The following GALNTL6 variants were observed in gnomAD, a reference collection of about 807,000 sequenced individuals.
The protein encoded by GALNTL6 is polypeptide N-acetylgalactosaminyltransferase like 6.
A neutral mutation model predicts 73.7 loss-of-function variants in GALNTL6; 46 were observed. The ratio of observed to expected loss-of-function variants is 0.62; its 90% confidence interval spans 0.49 to 0.80. GALNTL6 has a LOEUF of 0.80. Among genes scored for constraint, GALNTL6 ranks in the 30% least tolerant of loss-of-function variants. The probability of loss-of-function intolerance (pLI) is 0.00; values close to 1 mark genes in which losing one functional copy is unlikely to be tolerated. For synonymous variants in GALNTL6, 259 were observed against 263.7 expected (o/e 0.98, Z 0.17); for missense variants, 604 against 755.0 (o/e 0.80, Z 2.34).
intron 10 of GALNTL6, among the ~76,000 whole-genome samples, chr4:172,992,398 TTTTTA>T (rs1438023315): frequency 2.6e-5 from 4 of 152,216 alleles, no homozygotes; most frequent in South Asian, 2.1e-4. Flanking sequence ...TGTGAAGACA[TTTTTA>T]TTTTATTTTA....
chr4:172,408,241 G>A (rs936745208), intron 5 of GALNTL6, among the ~76,000 whole-genome samples: 1 of 151,914 alleles, frequency 6.6e-6, no homozygotes, highest in South Asian at 2.1e-4. Flanking sequence ...GAATCCATTC[G>A]AGTGCTATCA....
intron 10 of GALNTL6, among the ~76,000 whole-genome samples, chr4:172,984,909 A>G (rs1751226822): frequency 6.6e-6 from 1 of 152,234 alleles, no homozygotes; most frequent in African/African-American, 2.4e-5. Flanking sequence ...AGTGGATACT[A>G]ATGGGAATTT....
intron 2 of GALNTL6, among the ~76,000 whole-genome samples, chr4:171,839,301 T>G (rs546294359): frequency 6.6e-6 from 1 of 152,260 alleles, no homozygotes; most frequent in South Asian, 2.1e-4. Flanking sequence ...TAAATTTGCA[T>G]ATGATGCTAC....
chr4:172,233,157 C>G (rs1025874850), intron 3 of GALNTL6, among the ~76,000 whole-genome samples: 1 of 149,802 alleles, frequency 6.7e-6, no homozygotes, highest in Non-Finnish European at 1.5e-5. Context: ...TCGCTTGAGC[C>G]CAGGAATTTG....
intron 5 of GALNTL6, among the ~76,000 whole-genome samples, chr4:172,756,074 A>G (rs540342506): frequency 1.3e-4 from 20 of 152,338 alleles, no homozygotes; most frequent in African/African-American, 4.8e-4. Flanking sequence ...CCAAAGAGGT[A>G]GTAATCAATG....
At chr4:171,981,249 A>C (rs1739888969) in intron 2 of GALNTL6, among the ~76,000 whole-genome samples, 1 of 152,230 alleles carries the variant, frequency 6.6e-6, no homozygotes, top group South Asian at 2.1e-4. Flanking sequence ...AAAATGTTGC[A>C]TTCTTTTGAG....
chr4:172,855,806 G>C (rs1360361963), intron 7 of GALNTL6, among the ~76,000 whole-genome samples: 1 of 152,186 alleles, frequency 6.6e-6, no homozygotes, highest in Non-Finnish European at 1.5e-5. Flanking sequence ...GCACCCTGGA[G>C]CTTGAGTGAT....
intron 5 of GALNTL6, among the ~76,000 whole-genome samples, chr4:172,354,900 G>A (rs1742098240): frequency 6.6e-6 from 1 of 151,964 alleles, no homozygotes; most frequent in African/African-American, 2.4e-5. Flanking sequence ...TGGTAGCTTT[G>A]TATTGTCTCC....
At chr4:172,480,817 G>C (rs894438934) in intron 5 of GALNTL6, among the ~76,000 whole-genome samples, 2 of 152,172 alleles carry the variant, frequency 1.3e-5, no homozygotes, top group Non-Finnish European at 2.9e-5. Context: ...TGTAGTTCAA[G>C]TTGGCCTTGG....
intron 2 of GALNTL6, among the ~76,000 whole-genome samples, chr4:172,059,211 G>C (rs1653654460): frequency 6.6e-6 from 1 of 152,170 alleles, no homozygotes; most frequent in South Asian, 2.1e-4. Context: ...CTATGAGAAG[G>C]AAGCTGTTTA....
At chr4:172,193,820 G>A (rs1735661255) in intron 2 of GALNTL6, among the ~76,000 whole-genome samples, 1 of 151,940 alleles carries the variant, frequency 6.6e-6, no homozygotes, top group Non-Finnish European at 1.5e-5. Flanking sequence ...CTGAGATCGG[G>A]CCACTCACTC....
At chr4:171,984,637 T>C (rs898073954) in intron 2 of GALNTL6, among the ~76,000 whole-genome samples, 2 of 152,038 alleles carry the variant, frequency 1.3e-5, no homozygotes, top group Admixed American at 1.3e-4. Context: ...GAGTGTCTGC[T>C]GAAGAGACAG....
intron 5 of GALNTL6, among the ~76,000 whole-genome samples, chr4:172,382,709 T>C (rs1470800533): frequency 6.6e-6 from 1 of 152,162 alleles, no homozygotes; most frequent in Non-Finnish European, 1.5e-5. Flanking sequence ...TTCTCTCTTC[T>C]AAAAGTTTTG....
At chr4:172,824,329 G>T (rs927114007) in intron 7 of GALNTL6, among the ~76,000 whole-genome samples, 1 of 151,662 alleles carries the variant, frequency 6.6e-6, no homozygotes, top group South Asian at 2.1e-4. Context: ...TGGCCACAAG[G>T]GCTTTCAGTC....
rs1244573678 is a variant in GALNTL6, at chr4:172,069,540, A to ATG, written c.139-160115_139-160114insGT. Among the ~76,000 whole-genome samples, 13 of 68,602 alleles carry ATG rather than the reference A, an allele frequency of 1.9e-4. 2 individuals carry two copies. Among genetic ancestry groups the ATG allele is most frequent in the Non-Finnish European group, 2.8e-4 (9 of 31,830 alleles). 45.0% of individuals were successfully genotyped at this position (68,602 alleles called of 152,430 possible). A position where few individuals can be genotyped will look rare whatever the true frequency, so the allele number is the denominator to read the frequency against. On this transcript the variant is annotated intron_variant, in intron 2 of 12. Coordinates refer to ENST00000506823, the MANE Select transcript of GALNTL6 (RefSeq NM_001034845.3). ...GTTATATGTATAACACATATATTAT[A>ATG]TATAACACATATATGTTATATATAA...
intron 2 of GALNTL6, among the ~76,000 whole-genome samples, chr4:172,173,465 G>T (rs1430402824): frequency 6.6e-6 from 1 of 152,292 alleles, no homozygotes; most frequent in African/African-American, 2.4e-5. Flanking sequence ...CAGTGCACAG[G>T]GTGCATTTCT....
chr4:171,887,878 G>A lies in GALNTL6; in HGVS notation c.138+73160G>A, dbSNP rs111282859. On this transcript the variant is annotated intron_variant, in intron 2 of 12. Coordinates refer to ENST00000506823, the MANE Select transcript of GALNTL6 (RefSeq NM_001034845.3). Reference sequence around the variant, plus strand: ...TCAAACAAACAAACAAAAAATAAACGTAATTTACTTATGACTACATTTTAC... The same window carrying A: ...TCAAACAAACAAACAAAAAATAAACATAATTTACTTATGACTACATTTTAC... Among the ~76,000 whole-genome samples the A allele has an allele frequency of 1.2e-4, 19 of 152,106 alleles. No individual in the cohort carries two copies. In the South Asian group the frequency reaches 1.5e-3, roughly 12 times the overall value.
At chr4:172,532,259 T>A (rs1345502788) in intron 5 of GALNTL6, among the ~76,000 whole-genome samples, 3 of 152,184 alleles carry the variant, frequency 2.0e-5, no homozygotes, top group African/African-American at 7.2e-5. Context: ...AGGACTGGTA[T>A]CCTTATAAGA....
intron 2 of GALNTL6, among the ~76,000 whole-genome samples, chr4:172,162,864 A>G (rs75424134): frequency 1.3e-5 from 2 of 152,092 alleles, no homozygotes; most frequent in East Asian, 1.9e-4. Context: ...AAGCACGACC[A>G]TGTTTAAATT....
Sources: gnomAD v4.1 joint callset for allele counts (sites outside exome capture counted in the v4.1 genomes callset) on GRCh38, gnomAD v4.1.1 for gene constraint, MANE v1.5 for transcripts, NCBI Gene and HGNC (gene_info 2026-07-23, HGNC 2026-07-21) for gene names.